The following SUSD6 variants were observed in gnomAD, a reference collection of about 807,000 sequenced individuals.
The protein encoded by SUSD6 is sushi domain containing 6, also known as sushi domain-containing protein 6.
In SUSD6, 16 loss-of-function variants were observed where a neutral mutation model predicts 28.4. The ratio of observed to expected loss-of-function variants is 0.56; its 90% CI spans 0.38 to 0.86. SUSD6 has a LOEUF of 0.86. SUSD6 is among the 40% of genes least tolerant of loss of function. The pLI is 0.00. For synonymous variants in SUSD6, 147 were observed against 159.6 expected (o/e 0.92, Z 0.59); for missense variants, 341 against 384.2 (o/e 0.89, Z 0.94).
chr14:69,612,252 G>C (rs571246293), intron 1 of SUSD6, among the ~76,000 whole-genome samples: 1 of 152,292 alleles, frequency 6.6e-6, no homozygotes, highest in South Asian at 2.1e-4. Flanking sequence ...GCCCAGCAAA[G>C]CTGCGGGGCT....
chr14:69,636,353 A>C (rs562407097), intron 1 of SUSD6, among the ~76,000 whole-genome samples: 1 of 152,242 alleles, frequency 6.6e-6, no homozygotes, highest in Admixed American at 6.5e-5. Flanking sequence ...GGTGAGACCA[A>C]GAGGAAGGCC....
intron 1 of SUSD6, among the ~76,000 whole-genome samples, chr14:69,654,898 G>A (rs757665176): frequency 2.0e-5 from 3 of 146,908 alleles, no homozygotes; most frequent in East Asian, 2.0e-4. Context: ...GGGTTCAAGC[G>A]ATTCTCCTGC....
intron 2 of SUSD6, among the ~76,000 whole-genome samples, chr14:69,685,444 G>A (rs1566603484): frequency 6.6e-6 from 1 of 152,166 alleles, no homozygotes; most frequent in Non-Finnish European, 1.5e-5. Flanking sequence ...CATAGAGTTC[G>A]GGGAAACCCA....
intron 1 of SUSD6, among the ~76,000 whole-genome samples, chr14:69,613,550 ATG>A (rs1489319648): frequency 2.3e-4 from 35 of 152,238 alleles, no homozygotes; most frequent in African/African-American, 8.4e-4. Flanking sequence ...GTGATACCGA[ATG>A]TATGCCAGGC....
At chr14:69,661,798 TTTTTC>T (rs1181650478) in intron 2 of SUSD6, among the ~76,000 whole-genome samples, 1 of 152,060 alleles carries the variant, frequency 6.6e-6, no homozygotes, top group Admixed American at 6.5e-5. Flanking sequence ...TTGTGTTTCT[TTTTTC>T]TTTTTATTTG....
chr14:69,685,523 G>A (rs961606659), intron 2 of SUSD6, among the ~76,000 whole-genome samples: 1 of 152,156 alleles, frequency 6.6e-6, no homozygotes, highest in African/African-American at 2.4e-5. Context: ...TTGATTCAGT[G>A]CAAACCTTGG....
chr14:69,670,429 T>C (rs1251084114), intron 2 of SUSD6: 1 of 456,670 alleles, frequency 2.2e-6, no homozygotes, highest in African/African-American at 2.0e-5. Context: ...GGAATACTCA[T>C]TAGGGGGTCT....
chr14:69,626,089 C>T (rs1309469833), intron 1 of SUSD6, among the ~76,000 whole-genome samples: 1 of 152,100 alleles, frequency 6.6e-6, no homozygotes, highest in African/African-American at 2.4e-5. Flanking sequence ...GTGGGCTCCT[C>T]TTCTGTGTAT....
chr14:69,655,812 C>T (rs889918627), intron 1 of SUSD6, among the ~76,000 whole-genome samples: 31 of 152,054 alleles, frequency 2.0e-4, no homozygotes, highest in Middle Eastern at 3.4e-3. Context: ...AACCAAAAAA[C>T]GCCAAAAAAC....
At chr14:69,618,665 T>C (rs924609958) in intron 1 of SUSD6, among the ~76,000 whole-genome samples, 2 of 152,220 alleles carry the variant, frequency 1.3e-5, no homozygotes, top group Non-Finnish European at 2.9e-5. Flanking sequence ...GATCAGTTCT[T>C]CTAGAAAGTT....
At chr14:69,628,497 A>G (rs1885147696) in intron 1 of SUSD6, among the ~76,000 whole-genome samples, 1 of 152,220 alleles carries the variant, frequency 6.6e-6, no homozygotes, top group Non-Finnish European at 1.5e-5. Flanking sequence ...TGTCTATATC[A>G]GAGTATCCCA....
intron 2 of SUSD6, among the ~76,000 whole-genome samples, chr14:69,702,531 G>A (rs1803744070): frequency 6.6e-6 from 1 of 152,210 alleles, no homozygotes; most frequent in African/African-American, 2.4e-5. Context: ...TTTCAAGAGG[G>A]CAAAGGGGAG....
chr14:69,671,877 A>G (rs753139795), intron 2 of SUSD6, among the ~76,000 whole-genome samples: 12 of 152,184 alleles, frequency 7.9e-5, no homozygotes, highest in Non-Finnish European at 1.6e-4. Flanking sequence ...TTGCTGTTCA[A>G]CTGGCTCCTC....
intron 2 of SUSD6, among the ~76,000 whole-genome samples, chr14:69,689,450 A>G (rs1307012010): frequency 6.6e-6 from 1 of 152,200 alleles, no homozygotes; most frequent in African/African-American, 2.4e-5. Context: ...GAGAAGCAGT[A>G]GATATTACTA....
At chr14:69,649,040 C>T (rs929601798) in intron 1 of SUSD6, among the ~76,000 whole-genome samples, 1 of 152,170 alleles carries the variant, frequency 6.6e-6, no homozygotes, top group Non-Finnish European at 1.5e-5. Flanking sequence ...TCACTTCTCC[C>T]TACTCCCATC....
chr14:69,655,174 A>G (rs1219296044), intron 1 of SUSD6, among the ~76,000 whole-genome samples: 1 of 152,164 alleles, frequency 6.6e-6, no homozygotes, highest in Non-Finnish European at 1.5e-5. Flanking sequence ...TTTCAAAAAT[A>G]CATGCATATA....
At chr14:69,687,234 C>G (rs1477703265) in intron 2 of SUSD6, among the ~76,000 whole-genome samples, 1 of 152,182 alleles carries the variant, frequency 6.6e-6, no homozygotes, top group African/African-American at 2.4e-5. Context: ...CTTGGTCTCC[C>G]GAAGTGCTGG....
intron 2 of SUSD6, among the ~76,000 whole-genome samples, chr14:69,681,503 C>T (rs192425462): frequency 1.2e-3 from 188 of 152,280 alleles, no homozygotes; most frequent in Admixed American, 2.2e-3. Context: ...AGACTGCTGA[C>T]GTAAGTGGCC....
intron 2 of SUSD6, among the ~76,000 whole-genome samples, chr14:69,683,070 T>C (rs900979486): frequency 6.7e-6 from 1 of 150,328 alleles, no homozygotes; most frequent in East Asian, 2.0e-4. Context: ...CTTGAAGAGC[T>C]CTGGAGCCTG....
Sources: gnomAD v4.1 joint callset for allele counts (sites outside exome capture counted in the v4.1 genomes callset) on GRCh38, gnomAD v4.1.1 for gene constraint, MANE v1.5 for transcripts, NCBI Gene and HGNC (gene_info 2026-07-23, HGNC 2026-07-21) for gene names.